ATP8A1: variants seen among roughly 807,000 people sequenced by gnomAD.
ATP8A1 encodes the protein phospholipid-transporting ATPase IA.
In ATP8A1, 90 loss-of-function variants were observed where a neutral mutation model predicts 177.7. The observed-to-expected ratio is 0.51, with a 90% confidence interval of 0.43 to 0.60. ATP8A1 has a LOEUF of 0.60. Among genes scored for constraint, ATP8A1 ranks in the 20% least tolerant of loss-of-function variants. The pLI, the probability that ATP8A1 is intolerant of heterozygous loss-of-function variation, is 0.00. For synonymous variants in ATP8A1, 493 were observed against 485.9 expected (o/e 1.01, Z -0.19); for missense variants, 1,072 against 1,392.8 (o/e 0.77, Z 3.67).
intron 33 of ATP8A1, among the ~76,000 whole-genome samples, chr4:42,425,520 T>G (rs539968516): frequency 2.2e-4 from 34 of 152,302 alleles, no homozygotes; most frequent in South Asian, 4.2e-4. Context: ...AAGCCGACAT[T>G]CGCATTAAAG....
At chr4:42,551,094 G>T in intron 18 of ATP8A1, 104 bp downstream of exon 18, 1 of 890,030 alleles carries the variant, frequency 1.1e-6, no homozygotes, top group Non-Finnish European at 1.8e-6. Flanking sequence ...CTTCTGGAGT[G>T]GGGAACCTCT....
At chr4:42,472,258 A>C in intron 25 of ATP8A1, 1 of 565,146 alleles carries the variant, frequency 1.8e-6, no homozygotes, top group Non-Finnish European at 3.5e-6. Context: ...CCGGCTCATA[A>C]AGGTTCATTT....
intron 33 of ATP8A1, among the ~76,000 whole-genome samples, chr4:42,435,437 A>ACAAAAAAAAAAAC (rs1366073758): frequency 9.8e-6 from 1 of 101,696 alleles, no homozygotes; most frequent in Non-Finnish European, 2.0e-5. Context: ...AAAAAAAAAA[A>ACAAAAAAAAAAAC]AAAAAAAAAA....
At chr4:42,566,638 T>C (rs1246170149) in intron 15 of ATP8A1, among the ~76,000 whole-genome samples, 3 of 152,116 alleles carry the variant, frequency 2.0e-5, no homozygotes, top group African/African-American at 7.2e-5. Context: ...GGTTGAAAAA[T>C]ATTAAATGAA....
chr4:42,625,819 C>T (rs2306004), intron 2 of ATP8A1, 106 bp from the exon 3 acceptor site: 157,665 of 539,684 alleles, frequency 0.29, 23,952 homozygotes, highest in East Asian at 0.43. Flanking sequence ...GAACATTTGC[C>T]GGCTGTTTCA....
At chr4:42,431,033 T>C (rs565920806) in intron 33 of ATP8A1, among the ~76,000 whole-genome samples, 1 of 152,266 alleles carries the variant, frequency 6.6e-6, no homozygotes, top group East Asian at 1.9e-4. Flanking sequence ...TGTTTGTATG[T>C]TTTTCTTCTC....
At chr4:42,474,979 A>G (rs1720887271) in intron 25 of ATP8A1, among the ~76,000 whole-genome samples, 2 of 152,352 alleles carry the variant, frequency 1.3e-5, no homozygotes, top group South Asian at 4.1e-4. Context: ...ATATAGCAAC[A>G]ATTATAATAA....
rs551103688 is a variant in ATP8A1, at chr4:42,433,855, A to AT, written c.3123+9709dup. Among the ~76,000 whole-genome samples, 31 of 126,220 alleles carry AT rather than the reference A, an allele frequency of 2.5e-4. No individual in the cohort carries two copies. In the South Asian group the frequency reaches 3.5e-3, roughly 14 times the overall value. The allele number at this position is 126,220 out of a possible 152,430, so 82.8% of individuals were successfully genotyped here. A position where few individuals can be genotyped will look rare whatever the true frequency, so the allele number is the denominator to read the frequency against. The stretch of plus-strand genomic sequence containing the variant: ...ATCTCTGTTCTCTGGCAAGAGAGTA[A>AT]TAAAAAAAAAAAACGATTAAAAAAG... On this transcript the variant is annotated intron_variant, in intron 33 of 36. Coordinates refer to ENST00000381668, the MANE Select transcript of ATP8A1 (RefSeq NM_006095.2).
At chr4:42,557,867 AC>A in intron 15 of ATP8A1, among the ~76,000 whole-genome samples, 1 of 151,766 alleles carries the variant, frequency 6.6e-6, no homozygotes, top group South Asian at 2.1e-4. Flanking sequence ...ACATGATGAA[AC>A]CCCATCTCTA....
chr4:42,454,916 A>G (rs2153179275), intron 29 of ATP8A1, among the ~76,000 whole-genome samples: 1 of 152,290 alleles, frequency 6.6e-6, no homozygotes, highest in Middle Eastern at 3.4e-3. Context: ...ACACACATAA[A>G]GCCAGTCCTT....
At chr4:42,534,411 C>T (rs1345439742) in intron 20 of ATP8A1, among the ~76,000 whole-genome samples, 1 of 152,066 alleles carries the variant, frequency 6.6e-6, no homozygotes, top group East Asian at 1.9e-4. Context: ...GAAAAAAGAA[C>T]TTCAGAGCTC....
At chr4:42,636,130 ACACACACACACACACACACACACACACG>A (rs1739319546) in intron 1 of ATP8A1, among the ~76,000 whole-genome samples, 1 of 33,860 alleles carries the variant, frequency 3.0e-5, no homozygotes, top group African/African-American at 9.3e-5. Flanking sequence ...ACACACACAC[ACACACACACACACACACACACACACACG>A]CACACACACA....
Position 42,588,279 on chromosome 4 carries a change from G to A in ATP8A1, c.575C>T (p.Thr192Ile). 6.2e-7 allele frequency: 1 copy of A among 1,613,646 alleles called. No homozygotes were observed. The highest frequency in any genetic ancestry group is 8.5e-7 in the Non-Finnish European group (1 of 1,179,716). ...TCTTACCTGTCTAATTTTCAAGTTT[G>A]TTTCACCATCTAAGTTGGATGTTTC... ...YIETSNLDGE[T>I]NLKIRQGLPA... is the part of the protein sequence containing the mutation. The change falls in exon 8 of 37, where the codon ACA (threonine) becomes ATA (isoleucine). Residue 192 changes from threonine (T) to isoleucine (I), a missense_variant. Coordinates refer to ENST00000381668, the MANE Select transcript of ATP8A1 (RefSeq NM_006095.2).
chr4:42,601,434 T>C (rs951142109), intron 5 of ATP8A1, among the ~76,000 whole-genome samples: 3 of 151,802 alleles, frequency 2.0e-5, no homozygotes, highest in Non-Finnish European at 4.4e-5. Flanking sequence ...AGGTATTTCT[T>C]AGGGTTTCGC....
At chr4:42,509,225 C>T (rs10517038) in intron 22 of ATP8A1, among the ~76,000 whole-genome samples, 20,189 of 152,220 alleles carry the variant, frequency 0.13, 1,690 homozygotes, top group East Asian at 0.26. Context: ...GACAAAAATA[C>T]CAACTGTATC....
Position 42,616,074 on chromosome 4 carries a change from C to T in ATP8A1, c.368G>A (p.Arg123Gln), listed in dbSNP as rs372884316. The T allele has an allele frequency of 7.8e-5, 125 of 1,610,606 alleles. No individual in the cohort carries two copies. The highest frequency in any genetic ancestry group is 1.0e-4 in the Non-Finnish European group (122 of 1,178,790). ...AIKEIIEDIK[R>Q]HKADNAVNKK... The stretch of plus-strand genomic sequence containing the variant: ...GTTCACTGCATTATCAGCTTTATGT[C>T]GTTTCTAAAGTTTAAAAGCAAAAAG... The change falls in exon 5 of 37, where the codon CGA (arginine) becomes CAA (glutamine). Residue 123 changes from arginine to glutamine, a missense_variant. Arg to Gln is a conservative substitution (Grantham distance 43). This residue lies in a region of ATP8A1 where 344 missense variants were observed against 393.5 expected (regional missense o/e 0.87). Transcript: ENST00000381668.
At chr4:42,465,458 G>A (rs1719632229) in intron 25 of ATP8A1, among the ~76,000 whole-genome samples, 1 of 152,192 alleles carries the variant, frequency 6.6e-6, no homozygotes, top group Admixed American at 6.5e-5. Context: ...TAGCTGGAAA[G>A]TAAAAGTTTT....
intron 5 of ATP8A1, among the ~76,000 whole-genome samples, chr4:42,603,143 T>G (rs946643813): frequency 3.3e-5 from 5 of 152,204 alleles, no homozygotes; most frequent in Non-Finnish European, 7.4e-5. Flanking sequence ...TTAGACAGGA[T>G]GAATAAGCTC....
chr4:42,507,176 A>C, intron 22 of ATP8A1, 22 bp from the exon 23 acceptor site: 1 of 1,610,538 alleles, frequency 6.2e-7, no homozygotes, highest in South Asian at 1.1e-5. Flanking sequence ...TAGTGGTAGA[A>C]ATGTTTTAAA....
Sources: allele counts gnomAD v4.1 joint callset (sites outside exome capture counted in the v4.1 genomes callset), GRCh38; gene constraint gnomAD v4.1.1; regional missense constraint gnomAD v4.1.1; transcripts MANE v1.5; gene names NCBI Gene and HGNC (gene_info 2026-07-23, HGNC 2026-07-21).